Variants in ALK observed in about 807,000 individuals in gnomAD.
ALK encodes the protein ALK tyrosine kinase receptor.
A neutral mutation model predicts 163.1 loss-of-function variants in ALK; 74 were observed. The ratio of observed to expected loss-of-function variants is 0.45; its 90% CI spans 0.38 to 0.55. The LOEUF (loss-of-function observed/expected upper bound fraction) is 0.55. Ranked by LOEUF, ALK falls within the 20% of genes least tolerant of loss-of-function variation. The pLI is 0.00. For missense variants in ALK, 2,063 were observed against 2,105.3 expected (o/e 0.98, Z 0.39); for synonymous variants, 960 against 843.2 (o/e 1.14, Z -2.40).
Position 29,239,662 on chromosome 2 carries a change from C to T in ALK, c.2355+18G>A, listed in dbSNP as rs780006858. The T allele has an allele frequency of 6.2e-7, 1 of 1,613,370 alleles. No individual in the cohort carries two copies. The highest frequency in any genetic ancestry group is 1.1e-5 in the South Asian group (1 of 91,082). On this transcript the variant is annotated intron_variant, in intron 13 of 28. Coordinates refer to ENST00000389048, the MANE Select transcript of ALK (RefSeq NM_004304.5). Reference sequence around the variant, plus strand: ...CCTGACAGAGTGCAGACGAGAAACCCCTGCTCTGGGCACTTACACTGGGGC... The same window carrying T: ...CCTGACAGAGTGCAGACGAGAAACCTCTGCTCTGGGCACTTACACTGGGGC...
At chr2:29,194,498 A>C (rs879247601) in intron 28 of ALK, among the ~76,000 whole-genome samples, 1 of 151,878 alleles carries the variant, frequency 6.6e-6, no homozygotes, top group Admixed American at 6.6e-5. Flanking sequence ...ACCACAGTGC[A>C]TGTTTTTGTG....
chr2:29,517,346 G>T (rs1269916114), intron 4 of ALK, among the ~76,000 whole-genome samples: 1 of 152,040 alleles, frequency 6.6e-6, no homozygotes, highest in Non-Finnish European at 1.5e-5. Flanking sequence ...TATTTCTCTT[G>T]TGTATCTAGT....
chr2:29,466,681 A>G (rs1406136874), intron 4 of ALK, among the ~76,000 whole-genome samples: 3 of 152,190 alleles, frequency 2.0e-5, no homozygotes, highest in Admixed American at 6.5e-5. Context: ...TGGCTTCTCA[A>G]TGGTGTGTCA....
intron 3 of ALK, among the ~76,000 whole-genome samples, chr2:29,662,909 C>T (rs1677393505): frequency 6.6e-6 from 1 of 152,104 alleles, no homozygotes; most frequent in South Asian, 2.1e-4. Context: ...AGTACCATAT[C>T]TTTTACTGCT....
At position 29,383,615 on chromosome 2, in the gene ALK, C is replaced by T. The variant is rs1432914851; in HGVS notation, c.1282+117G>A. The T allele has an allele frequency of 1.1e-5, 15 of 1,390,512 alleles. No individual in the cohort carries two copies. The East Asian group carries it at 3.4e-4, about 31-fold the overall frequency. The allele number at this position is 1,390,512 out of a possible 1,614,324, so 86.1% of individuals were successfully genotyped here. A position where few individuals can be genotyped will look rare whatever the true frequency, so the allele number is the denominator to read the frequency against. Reference sequence around the variant, plus strand: ...TACAGGTGTGAGCCACAGCACCCAGCCCACTCTAGACTTTTCTTCATAAGT... The same window carrying T: ...TACAGGTGTGAGCCACAGCACCCAGTCCACTCTAGACTTTTCTTCATAAGT... On this transcript the variant is annotated intron_variant, in intron 5 of 28. Transcript: ENST00000389048.
intron 4 of ALK, among the ~76,000 whole-genome samples, chr2:29,499,344 G>A (rs1218626727): frequency 2.0e-5 from 3 of 152,032 alleles, no homozygotes; most frequent in Non-Finnish European, 4.4e-5. Flanking sequence ...TTACAGGTGT[G>A]CACCACCATG....
chr2:29,484,000 C>G (rs1020298748), intron 4 of ALK, among the ~76,000 whole-genome samples: 1 of 152,080 alleles, frequency 6.6e-6, no homozygotes, highest in African/African-American at 2.4e-5. Context: ...TACATGGTGG[C>G]AGGAAAGAGA....
intron 5 of ALK, among the ~76,000 whole-genome samples, chr2:29,381,855 A>G (rs1281210905): frequency 6.6e-6 from 1 of 152,146 alleles, no homozygotes; most frequent in Non-Finnish European, 1.5e-5. Flanking sequence ...TATGTCTGCA[A>G]TTTGTCTATG....
chr2:29,280,533 C>T (rs1381071413), intron 9 of ALK, among the ~76,000 whole-genome samples: 1 of 149,908 alleles, frequency 6.7e-6, no homozygotes, highest in Non-Finnish European at 1.5e-5. Flanking sequence ...AGGTAGAACA[C>T]TGTGGGACTG....
At chr2:29,421,418 C>T (rs1428857008) in intron 4 of ALK, among the ~76,000 whole-genome samples, 1 of 151,434 alleles carries the variant, frequency 6.6e-6, no homozygotes, top group African/African-American at 2.5e-5. Context: ...TTGTTGAGCA[C>T]CTATCACGTG....
intron 4 of ALK, among the ~76,000 whole-genome samples, chr2:29,500,295 C>T (rs1395464834): frequency 6.6e-6 from 1 of 152,136 alleles, no homozygotes. Context: ...TGAGTTATCA[C>T]AAAGTTTGGT....
At chr2:29,296,643 G>A (rs1456358608) in intron 9 of ALK, among the ~76,000 whole-genome samples, 1 of 152,204 alleles carries the variant, frequency 6.6e-6, no homozygotes, top group African/African-American at 2.4e-5. Flanking sequence ...GGCCATACCA[G>A]TGGTCCCGAG....
intron 3 of ALK, among the ~76,000 whole-genome samples, chr2:29,649,035 T>C (rs1289438106): frequency 6.6e-6 from 1 of 152,204 alleles, no homozygotes. Flanking sequence ...GCTACTCTGA[T>C]TCCCCATCAT....
intron 1 of ALK, among the ~76,000 whole-genome samples, chr2:29,902,034 A>C (rs758775978): frequency 3.3e-5 from 5 of 152,186 alleles, no homozygotes; most frequent in Non-Finnish European, 5.9e-5. Flanking sequence ...AAAAGACATG[A>C]AATTAAGTTC....
At chr2:29,347,768 T>C (rs534336705) in intron 5 of ALK, among the ~76,000 whole-genome samples, 1 of 152,314 alleles carries the variant, frequency 6.6e-6, no homozygotes, top group East Asian at 1.9e-4. Context: ...TCTTTCCATC[T>C]GAAGAAAGTG....
At chr2:29,405,951 T>A (rs969575055) in intron 4 of ALK, among the ~76,000 whole-genome samples, 2 of 152,170 alleles carry the variant, frequency 1.3e-5, no homozygotes, top group Non-Finnish European at 2.9e-5. Context: ...CTCTTTTTCC[T>A]CTTTCGGTTT....
chr2:29,268,761 T>C (rs944166151), intron 11 of ALK, among the ~76,000 whole-genome samples: 1 of 152,168 alleles, frequency 6.6e-6, no homozygotes, highest in Non-Finnish European at 1.5e-5. Context: ...GGCTTAGAGT[T>C]GGAAAGACTT....
At chr2:29,885,217 A>C (rs995422826) in intron 1 of ALK, among the ~76,000 whole-genome samples, 1 of 152,168 alleles carries the variant, frequency 6.6e-6, no homozygotes, top group African/African-American at 2.4e-5. Context: ...GAAACCTGTA[A>C]GTTCAACAAT....
intron 3 of ALK, among the ~76,000 whole-genome samples, chr2:29,567,913 T>C (rs2148187830): frequency 6.6e-6 from 1 of 152,360 alleles, no homozygotes; most frequent in South Asian, 2.1e-4. Context: ...GTGTACCTTG[T>C]GCCATCTCTT....
Sources: allele counts gnomAD v4.1 joint callset (sites outside exome capture counted in the v4.1 genomes callset), GRCh38; gene constraint gnomAD v4.1.1; transcripts MANE v1.5; gene names NCBI Gene and HGNC (gene_info 2026-07-23, HGNC 2026-07-21).